CD163L1: variants seen among roughly 807,000 people sequenced by gnomAD.
The protein encoded by CD163L1 is scavenger receptor cysteine-rich type 1 protein M160.
A neutral mutation model predicts 165.4 loss-of-function variants in CD163L1; 124 were observed. The observed-to-expected ratio is 0.75, with a 90% confidence interval of 0.65 to 0.87. The LOEUF (loss-of-function observed/expected upper bound fraction) is 0.87, where lower values mean the gene tolerates loss of function less well. Ranked by LOEUF, CD163L1 falls within the 40% of genes least tolerant of loss-of-function variation. The probability of loss-of-function intolerance (pLI) is 0.00; values close to 1 mark genes in which losing one functional copy is unlikely to be tolerated. For synonymous variants in CD163L1, 585 were observed against 662.2 expected, an observed-to-expected ratio of 0.88 and a Z score of 1.79; for missense variants, 1,525 against 1,799.9, an observed-to-expected ratio of 0.85 and a Z score of 2.76.
Position 7,369,660 on chromosome 12 carries a change from T to C in CD163L1, c.3736A>G (p.Ile1246Val), listed in dbSNP as rs1405460274. The C allele has an allele frequency of 2.5e-6, 4 of 1,611,626 alleles. No individual in the cohort carries two copies. The highest frequency in any genetic ancestry group is 1.3e-5 in the African/African-American group (1 of 75,018). Residue 1246 changes from isoleucine to valine, a missense_variant, in exon 15 of 20, where the codon ATA (isoleucine) becomes GTA (valine). Coordinates refer to ENST00000313599, the MANE Select transcript of CD163L1 (RefSeq NM_174941.6). This position sits in a 1 kb window ranked among gnomAD's most constrained non-coding sequence, Gnocchi z 4.9. ...EETWITCEDR[I>V]RVRGGDTECS... is the part of the protein sequence containing the mutation. ...TCGGTGTCTCCTCCACGCACTCTTA[T>C]TCTATCTACAAAGGCACAAAACATG...
At chr12:7,363,427 T>C (rs892899710) in intron 18 of CD163L1, among the ~76,000 whole-genome samples, 5 of 151,622 alleles carry the variant, frequency 3.3e-5, no homozygotes, top group African/African-American at 1.2e-4. Flanking sequence ...GAAATAATAA[T>C]AATAATCAGA....
intron 8 of CD163L1, among the ~76,000 whole-genome samples, chr12:7,394,748 A>T (rs1422204503): frequency 5.3e-5 from 8 of 152,168 alleles, no homozygotes; most frequent in Non-Finnish European, 8.8e-5. Context: ...AATTTACAAG[A>T]AAAAAACAAA....
intron 8 of CD163L1, among the ~76,000 whole-genome samples, chr12:7,389,960 T>TATATA (rs1555197839): frequency 3.1e-4 from 42 of 135,936 alleles, no homozygotes; most frequent in East Asian, 1.9e-3. Flanking sequence ...ATATATATAT[T>TATATA]TATATATATA....
chr12:7,329,650 G>T, the CD163L1 span, among the ~76,000 whole-genome samples: 1 of 151,090 alleles, frequency 6.6e-6, no homozygotes, highest in African/African-American at 2.4e-5. Context: ...TTTTTTAAAA[G>T]AAAAACCTAA....
intron 6 of CD163L1, among the ~76,000 whole-genome samples, chr12:7,399,496 T>TCCTCCC (rs1947870436): frequency 6.7e-6 from 1 of 149,818 alleles, no homozygotes. Context: ...TTCCTCTTCC[T>TCCTCCC]CCCTTTCCCT....
chr12:7,437,474 A>G (rs1452795220), intron 2 of CD163L1, among the ~76,000 whole-genome samples: 1 of 151,620 alleles, frequency 6.6e-6, no homozygotes, highest in Non-Finnish European at 1.5e-5. Flanking sequence ...TCCTAATGCT[A>G]TCCCTCCCTG....
intron 8 of CD163L1, among the ~76,000 whole-genome samples, chr12:7,379,974 A>G (rs1947350797): frequency 6.6e-6 from 1 of 152,082 alleles, no homozygotes; most frequent in South Asian, 2.1e-4. Context: ...GGCCATAACC[A>G]AAAAATCAAA....
At chr12:7,421,633 ATATG>A (rs1210230770) in intron 4 of CD163L1, among the ~76,000 whole-genome samples, 1,119 of 105,926 alleles carry the variant, frequency 0.011, 29 homozygotes, top group Non-Finnish European at 0.015. Context: ...ATATATACAT[ATATG>A]TACACATATA....
At chr12:7,377,921 T>C (rs1372562917) in intron 9 of CD163L1, among the ~76,000 whole-genome samples, 2 of 152,240 alleles carry the variant, frequency 1.3e-5, no homozygotes, top group African/African-American at 4.8e-5. Context: ...CGTCTACATA[T>C]GTAGGACTCT....
downstream of CD163L1, among the ~76,000 whole-genome samples, chr12:7,353,838 G>A (rs1256564028): frequency 6.6e-6 from 1 of 151,946 alleles, no homozygotes; most frequent in Admixed American, 6.6e-5. Context: ...TTATTTTAGT[G>A]TAGGTATCTG....
At chr12:7,426,712 C>T (rs1211978217) in intron 4 of CD163L1, among the ~76,000 whole-genome samples, 1 of 152,190 alleles carries the variant, frequency 6.6e-6, no homozygotes, top group East Asian at 1.9e-4. Flanking sequence ...ATGTTCTGTA[C>T]ATGTATACCA....
At chr12:7,341,777 C>A (rs1167613691), downstream of CD163L1, among the ~76,000 whole-genome samples, 1 of 152,124 alleles carries the variant, frequency 6.6e-6, no homozygotes, top group African/African-American at 2.4e-5. Context: ...GAAATCTATA[C>A]CCCTGGGCCT....
intron 18 of CD163L1, among the ~76,000 whole-genome samples, chr12:7,363,269 C>T (rs768977651): frequency 3.6e-4 from 55 of 151,642 alleles, no homozygotes; most frequent in African/African-American, 1.3e-3. Flanking sequence ...AGATTGTACC[C>T]CTGCACTCTA....
At chr12:7,425,728 C>T (rs1007609941) in intron 4 of CD163L1, among the ~76,000 whole-genome samples, 1 of 152,150 alleles carries the variant, frequency 6.6e-6, no homozygotes, top group Non-Finnish European at 1.5e-5. Context: ...TGAAAAAAAG[C>T]TCATCATCAC....
chr12:7,348,679 G>T (rs887144935), intron 4 of CD163L1, among the ~76,000 whole-genome samples: 3 of 152,054 alleles, frequency 2.0e-5, no homozygotes, highest in Admixed American at 6.6e-5. Context: ...GAGTTATTGG[G>T]CTTTCATGTG....
At chr12:7,443,250 A>G (rs1948852613) in intron 1 of CD163L1, among the ~76,000 whole-genome samples, 1 of 152,224 alleles carries the variant, frequency 6.6e-6, no homozygotes, top group Non-Finnish European at 1.5e-5. Context: ...CAGTTACAAA[A>G]TATTAAGTTG....
intron 4 of CD163L1, among the ~76,000 whole-genome samples, chr12:7,418,764 A>G (rs1363575019): frequency 6.6e-6 from 1 of 152,066 alleles, no homozygotes; most frequent in Non-Finnish European, 1.5e-5. Flanking sequence ...AAATGCATAA[A>G]CTAGAAAACC....
Position 7,369,469 on chromosome 12 carries a change from C to T in CD163L1, c.3927G>A (p.Trp1309Ter). 1 of 1,614,190 alleles carries T rather than the reference C, an allele frequency of 6.2e-7. No individual in the cohort carries two copies. Among genetic ancestry groups the T allele is most frequent in the East Asian group, 2.2e-5 (1 of 44,884 alleles). The change falls in exon 15 of 20, where the codon TGG becomes TGA. Residue 1309 changes from tryptophan to a stop codon, truncating the protein, a stop_gained. Coordinates refer to ENST00000313599, the MANE Select transcript of CD163L1 (RefSeq NM_174941.6). LOFTEE classifies it high-confidence loss of function. The surrounding 1 kb of genome is among the most constrained non-coding windows in gnomAD (Gnocchi z 4.9). The part of the protein sequence containing the change: ...ASFGQGTGTI[W>*]LDDMRCKGNE... ...TTCCTTTGCACCGCATGTCATCCAA[C>T]CAGATGGTTCCAGTTCCCTGGCCAA...
chr12:7,416,533 AG>A (rs1301123481), intron 4 of CD163L1, among the ~76,000 whole-genome samples: 2 of 152,256 alleles, frequency 1.3e-5, no homozygotes, highest in African/African-American at 4.8e-5. Flanking sequence ...GTTTTCTTCT[AG>A]GGTTTTTATG....
Sources: gnomAD v4.1 joint callset for allele counts (sites outside exome capture counted in the v4.1 genomes callset) on GRCh38, gnomAD v4.1.1 for gene constraint, Gnocchi (gnomAD v3.1) non-coding constraint, MANE v1.5 for transcripts, NCBI Gene and HGNC (gene_info 2026-07-23, HGNC 2026-07-21) for gene names.